Variants in ESRRB observed in about 807,000 individuals in gnomAD.
ESRRB encodes steroid hormone receptor ERR2.
A neutral mutation model predicts 46.0 loss-of-function variants in ESRRB; 16 were observed. The observed-to-expected ratio is 0.35, with a 90% confidence interval of 0.24 to 0.53. The LOEUF (loss-of-function observed/expected upper bound fraction) is 0.53. Ranked by LOEUF, ESRRB falls within the 20% of genes least tolerant of loss-of-function variation. ESRRB has a pLI of 0.93. For synonymous variants in ESRRB, 246 were observed against 259.6 expected (o/e 0.95, Z 0.50); for missense variants, 488 against 607.4 (o/e 0.80, Z 2.07).
chr14:76,379,145 C>G (rs1469042353), intron 1 of ESRRB, among the ~76,000 whole-genome samples: 1 of 152,148 alleles, frequency 6.6e-6, no homozygotes, highest in African/African-American at 2.4e-5. Flanking sequence ...ACGTACCTTC[C>G]TACCTTGCTC....
upstream of ESRRB, among the ~76,000 whole-genome samples, chr14:76,372,474 G>A (rs1271968362): frequency 1.3e-5 from 2 of 151,992 alleles, no homozygotes; most frequent in East Asian, 1.9e-4. Flanking sequence ...TGTTGTATTG[G>A]ACAGTTCTTG....
At chr14:76,351,152 G>A (rs1884309174) in intron 1 of ESRRB, among the ~76,000 whole-genome samples, 1 of 152,202 alleles carries the variant, frequency 6.6e-6, no homozygotes, top group Non-Finnish European at 1.5e-5. Context: ...GAACCTGGAT[G>A]AGGGAGCACA....
intron 1 of ESRRB, among the ~76,000 whole-genome samples, chr14:76,342,841 G>C (rs1253698967): frequency 6.6e-6 from 1 of 152,202 alleles, no homozygotes; most frequent in Non-Finnish European, 1.5e-5. Context: ...CATTGTGACA[G>C]GTCCTGGGAT....
At chr14:76,324,988 A>C (rs1337673746) in intron 1 of ESRRB, among the ~76,000 whole-genome samples, 2 of 93,156 alleles carry the variant, frequency 2.1e-5, no homozygotes, top group African/African-American at 7.8e-5. Flanking sequence ...TTTTTTTGAG[A>C]CAGAGTCTTT....
intron 1 of ESRRB, among the ~76,000 whole-genome samples, chr14:76,425,073 G>A (rs1887139441): frequency 6.6e-6 from 1 of 152,114 alleles, no homozygotes; most frequent in African/African-American, 2.4e-5. Flanking sequence ...AAGAAGAGAA[G>A]ACAGAGCAGA....
chr14:76,467,732 G>T (rs1889178925), intron 3 of ESRRB, among the ~76,000 whole-genome samples: 1 of 152,008 alleles, frequency 6.6e-6, no homozygotes, highest in Non-Finnish European at 1.5e-5. Flanking sequence ...GTCAGCCTTT[G>T]CAGCCTGGCT....
chr14:76,423,494 C>T (rs1018191932), intron 1 of ESRRB, among the ~76,000 whole-genome samples: 1 of 152,126 alleles, frequency 6.6e-6, no homozygotes, highest in Non-Finnish European at 1.5e-5. Flanking sequence ...AAACTGATGG[C>T]AAGGTGGATC....
At chr14:76,436,260 C>G (rs901662767) in intron 1 of ESRRB, among the ~76,000 whole-genome samples, 1 of 152,212 alleles carries the variant, frequency 6.6e-6, no homozygotes, top group African/African-American at 2.4e-5. Flanking sequence ...GTGGCCTGCC[C>G]TCTCCTGGGA....
chr14:76,423,161 T>G (rs983052521), intron 1 of ESRRB, among the ~76,000 whole-genome samples: 1 of 149,758 alleles, frequency 6.7e-6, no homozygotes, highest in Admixed American at 6.7e-5. Flanking sequence ...TTTTTTTTTT[T>G]TTGAGAGAGT....
At chr14:76,334,353 T>C (rs1213483983) in intron 1 of ESRRB, among the ~76,000 whole-genome samples, 2 of 152,152 alleles carry the variant, frequency 1.3e-5, no homozygotes, top group African/African-American at 4.8e-5. Context: ...CCTTGACACC[T>C]GTTCCCAGGT....
intron 1 of ESRRB, among the ~76,000 whole-genome samples, chr14:76,414,668 T>TAAAAAAAAAAAAAAAAAAAAAAAAAAA (rs71452810): frequency 8.6e-6 from 1 of 116,852 alleles, no homozygotes; most frequent in African/African-American, 3.0e-5. Flanking sequence ...GTTTGTTCCT[T>TAAAAAAAAAAAAAAAAAAAAAAAAAAA]AAAAAAAAAA....
chr14:76,419,252 T>C (rs1886839138), intron 1 of ESRRB, among the ~76,000 whole-genome samples: 1 of 152,136 alleles, frequency 6.6e-6, no homozygotes, highest in Non-Finnish European at 1.5e-5. Context: ...TGACCTCAGG[T>C]GATCTTCCTG....
At chr14:76,439,229 GCA>G in intron 1 of ESRRB, 110 bp from the exon 2 acceptor site, 1 of 1,239,458 alleles carries the variant, frequency 8.1e-7, no homozygotes, top group Non-Finnish European at 1.2e-6. Flanking sequence ...TTGTTTTATC[GCA>G]CCAAAGCCTT....
At chr14:76,355,176 G>T (rs1884364777) in intron 1 of ESRRB, among the ~76,000 whole-genome samples, 1 of 152,196 alleles carries the variant, frequency 6.6e-6, no homozygotes, top group Non-Finnish European at 1.5e-5. Flanking sequence ...CCGGGGCCAG[G>T]TGGCCAGAGG....
intron 1 of ESRRB, chr14:76,407,526 C>G: frequency 1.0e-6 from 1 of 985,380 alleles, no homozygotes. Context: ...TCTAGCTTTC[C>G]CATCTGTTCT....
intron 2 of ESRRB, among the ~76,000 whole-genome samples, chr14:76,454,934 C>T (rs1414103405): frequency 8.0e-6 from 1 of 125,180 alleles, no homozygotes; most frequent in Admixed American, 8.2e-5. Context: ...CCAAGGCAGG[C>T]AGATCACCAG....
chr14:76,460,356 G>A (rs1888800011), intron 2 of ESRRB, among the ~76,000 whole-genome samples: 1 of 152,246 alleles, frequency 6.6e-6, no homozygotes, highest in Non-Finnish European at 1.5e-5. Context: ...TCAGCTCCCA[G>A]AGCCTCAGTT....
chr14:76,455,576 T>C (rs1263766872), intron 2 of ESRRB, among the ~76,000 whole-genome samples: 3 of 152,210 alleles, frequency 2.0e-5, no homozygotes, highest in Non-Finnish European at 2.9e-5. Flanking sequence ...ATCCTACCTC[T>C]TCCTCTTTTT....
intron 1 of ESRRB, among the ~76,000 whole-genome samples, chr14:76,390,907 G>A (rs1885441815): frequency 1.3e-5 from 2 of 152,222 alleles, no homozygotes; most frequent in South Asian, 4.1e-4. Context: ...GAGGTCAGGA[G>A]AGGAATGAAG....
Sources: gnomAD v4.1 joint callset for allele counts (sites outside exome capture counted in the v4.1 genomes callset) on GRCh38, gnomAD v4.1.1 for gene constraint, MANE v1.5 for transcripts, NCBI Gene and HGNC (gene_info 2026-07-23, HGNC 2026-07-21) for gene names.